The following L3HYPDH variants were observed in gnomAD, a reference collection of about 807,000 sequenced individuals.
L3HYPDH encodes the protein trans-L-3-hydroxyproline dehydratase.
L3HYPDH carries 32 observed loss-of-function variants against 26.5 expected under a neutral mutation model. The observed-to-expected ratio is 1.21, with a 90% CI of 0.91 to 1.62. The LOEUF (loss-of-function observed/expected upper bound fraction) is 1.62, where lower values mean the gene tolerates loss of function less well. Ranked by LOEUF, L3HYPDH falls within the 40% of genes most tolerant of loss-of-function variation. The pLI is 0.00. For synonymous variants in L3HYPDH, 215 were observed against 196.6 expected (o/e 1.09, Z -0.78); for missense variants, 554 against 476.4 (o/e 1.16, Z -1.52).
chr14:59,484,665 G>A, upstream of L3HYPDH: 3 of 1,533,186 alleles, frequency 2.0e-6, no homozygotes, highest in Non-Finnish European at 2.7e-6. Context: ...CTGGCCTCGG[G>A]CTCGGCTCTT....
chr14:59,501,327 A>C, the L3HYPDH span: 2 of 1,036,154 alleles, frequency 1.9e-6, no homozygotes, highest in African/African-American at 3.2e-5. Context: ...ATTCAATATC[A>C]GAATAGTCCA....
downstream of L3HYPDH, among the ~76,000 whole-genome samples, chr14:59,469,649 C>G (rs939904644): frequency 1.3e-5 from 2 of 149,984 alleles, no homozygotes; most frequent in Non-Finnish European, 2.9e-5. Context: ...CTATCCACCT[C>G]AGGAGCATCA....
At chr14:59,484,565 C>A, upstream of L3HYPDH, 1 of 1,571,650 alleles carries the variant, frequency 6.4e-7, no homozygotes, top group Non-Finnish European at 8.6e-7. Flanking sequence ...TCTAGTGCTT[C>A]TCGAAAAAAA....
chr14:59,492,882 T>C, the L3HYPDH span, among the ~76,000 whole-genome samples: 2 of 151,322 alleles, frequency 1.3e-5, no homozygotes, highest in African/African-American at 2.4e-5. Flanking sequence ...ACTGCAAGCT[T>C]CGCCTCCCAG....
chr14:59,468,454 T>A (rs1386215415), downstream of L3HYPDH, among the ~76,000 whole-genome samples: 1 of 115,304 alleles, frequency 8.7e-6, no homozygotes, highest in East Asian at 1.9e-4. Context: ...AAGCTCCATC[T>A]TCTTCTTCCC....
At chr14:59,485,142 T>C, upstream of L3HYPDH, 1 of 1,597,152 alleles carries the variant, frequency 6.3e-7, no homozygotes, top group Non-Finnish European at 8.5e-7. Flanking sequence ...TTTATTTCAG[T>C]TCAGTTTATC....
upstream of L3HYPDH, chr14:59,484,769 G>C (rs1890392307): frequency 4.2e-6 from 4 of 950,388 alleles, no homozygotes; most frequent in Admixed American, 2.8e-5. Context: ...GGGGTGGTCT[G>C]TCCGCAACGG....
At chr14:59,474,718 C>T (rs754366488) in intron 4 of L3HYPDH, 4 of 447,786 alleles carry the variant, frequency 8.9e-6, no homozygotes, top group African/African-American at 4.0e-5. Context: ...AATAACAGCA[C>T]AGTACTGACC....
chr14:59,499,270 C>T, the L3HYPDH span, among the ~76,000 whole-genome samples: 1 of 151,434 alleles, frequency 6.6e-6, no homozygotes, highest in East Asian at 1.9e-4. Flanking sequence ...TCATGATCTG[C>T]CCACCTCTCT....
At chr14:59,486,611 A>G (rs1890594894), upstream of L3HYPDH, 2 of 788,292 alleles carry the variant, frequency 2.5e-6, no homozygotes, top group Non-Finnish European at 4.2e-6. Flanking sequence ...ATATTATTCA[A>G]AAATTTGAAA....
At position 59,479,168 on chromosome 14, in the gene L3HYPDH, A is replaced by G; in HGVS notation, c.678+14T>C. ...AGAGAAGGGAATTGGTTATGAAGGC[A>G]GAGTATTACTGACCTGAGCTTTCAC... On this transcript the variant is annotated intron_variant, in intron 2 of 4. Transcript: ENST00000247194. 1 of 1,568,698 alleles carries G rather than the reference A, an allele frequency of 6.4e-7. No individual in the cohort carries two copies. Among genetic ancestry groups the G allele is most frequent in the Non-Finnish European group, 8.6e-7 (1 of 1,161,570 alleles).
chr14:59,502,819 T>G, the L3HYPDH span, among the ~76,000 whole-genome samples: 3 of 131,472 alleles, frequency 2.3e-5, no homozygotes, highest in Non-Finnish European at 4.8e-5. Flanking sequence ...TGGTGCAGTC[T>G]TGGCTCACTG....
At chr14:59,499,499 C>G in the L3HYPDH span, among the ~76,000 whole-genome samples, 1 of 152,008 alleles carries the variant, frequency 6.6e-6, no homozygotes, top group Admixed American at 6.6e-5. Flanking sequence ...ACCATTAATT[C>G]ATTTGTTTAG....
At chr14:59,475,559 A>C (rs776496996) in intron 4 of L3HYPDH, among the ~76,000 whole-genome samples, 3 of 152,196 alleles carry the variant, frequency 2.0e-5, no homozygotes, top group Non-Finnish European at 4.4e-5. Flanking sequence ...TTGGGTTATC[A>C]CATATCACAT....
upstream of L3HYPDH, chr14:59,484,863 A>T: frequency 8.6e-7 from 1 of 1,157,926 alleles, no homozygotes; most frequent in Non-Finnish European, 1.2e-6. Context: ...CCCTTAGTTT[A>T]ATGTCGAGGG....
chr14:59,493,823 C>T, the L3HYPDH span, among the ~76,000 whole-genome samples: 1 of 152,094 alleles, frequency 6.6e-6, no homozygotes, highest in Non-Finnish European at 1.5e-5. Flanking sequence ...GGATTATGAT[C>T]ATATTATTCT....
At chr14:59,487,780 C>T, upstream of L3HYPDH, 2 of 1,613,566 alleles carry the variant, frequency 1.2e-6, no homozygotes, top group Non-Finnish European at 1.7e-6. Flanking sequence ...GCAATGCTTC[C>T]TCTGGTTTTA....
At chr14:59,479,153 A>C in intron 2 of L3HYPDH, 29 bp downstream of exon 2, 1 of 1,528,370 alleles carries the variant, frequency 6.5e-7, no homozygotes, top group Non-Finnish European at 8.8e-7. Flanking sequence ...AGAGAAGGGA[A>C]TTGGTTATGA....
the L3HYPDH span, among the ~76,000 whole-genome samples, chr14:59,493,199 T>G: frequency 6.6e-6 from 1 of 152,084 alleles, no homozygotes; most frequent in African/African-American, 2.4e-5. Flanking sequence ...CCAAGCAGAA[T>G]AAACAGAAAT....
Sources: allele counts gnomAD v4.1 joint callset (sites outside exome capture counted in the v4.1 genomes callset), GRCh38; gene constraint gnomAD v4.1.1; transcripts MANE v1.5; gene names NCBI Gene and HGNC (gene_info 2026-07-23, HGNC 2026-07-21).